Variants in RNF145 observed in about 807,000 individuals in gnomAD.
The protein encoded by RNF145 is ring finger protein 145.
Under a neutral mutation model 57.3 loss-of-function variants are expected in RNF145, and 12 were observed. That is an observed-to-expected ratio of 0.21 (90% CI 0.13 to 0.34). The LOEUF (loss-of-function observed/expected upper bound fraction) is 0.34, where lower values mean the gene tolerates loss of function less well. RNF145 is among the 10% of genes least tolerant of loss of function. The probability of loss-of-function intolerance (pLI) is 1.00; values close to 1 mark genes in which losing one functional copy is unlikely to be tolerated. For synonymous variants in RNF145, 262 were observed against 288.3 expected (o/e 0.91, Z 0.92); for missense variants, 429 against 799.0 (o/e 0.54, Z 5.58).
At chr5:159,199,881 G>C (rs1305026239) in intron 2 of RNF145, among the ~76,000 whole-genome samples, 2 of 152,026 alleles carry the variant, frequency 1.3e-5, no homozygotes, top group Admixed American at 1.3e-4. Flanking sequence ...ACCCACCCTG[G>C]AAAGCTTCTA....
chr5:159,161,323 G>C lies in RNF145; in HGVS notation c.1569C>G (p.Pro523=). 6.2e-7 allele frequency: 1 copy of C among 1,613,988 alleles called. No homozygotes were observed. The highest frequency in any genetic ancestry group is 2.2e-5 in the East Asian group (1 of 44,884). ...TCTCAAGCTGCTCTTTCGTAGCAAT[G>C]GGTAACGATTTAATCTTATTCACAG... is the stretch of plus-strand genomic sequence containing the variant. ...RDAVNKIKSL[P]IATKEQLEKH... The change falls in exon 10 of 11, where the codon CCC becomes CCG. Residue 523 remains proline (P), a synonymous_variant. Coordinates refer to ENST00000424310, the MANE Select transcript of RNF145 (RefSeq NM_001199383.2).
At chr5:159,179,959 C>G (rs976968016) in intron 4 of RNF145, among the ~76,000 whole-genome samples, 1 of 152,064 alleles carries the variant, frequency 6.6e-6, no homozygotes, top group Non-Finnish European at 1.5e-5. Flanking sequence ...CTAGGGAAAG[C>G]ATTAATTTTT....
At chr5:159,200,878 A>G (rs1785638242) in intron 2 of RNF145, among the ~76,000 whole-genome samples, 1 of 152,220 alleles carries the variant, frequency 6.6e-6, no homozygotes, top group South Asian at 2.1e-4. Context: ...ATTCATTCAT[A>G]ATAGAAATGC....
chr5:159,173,126 C>T (rs1436125784), intron 6 of RNF145, among the ~76,000 whole-genome samples: 10 of 152,142 alleles, frequency 6.6e-5, no homozygotes, highest in Admixed American at 6.5e-4. Context: ...AAAACCGAGT[C>T]TTAGAATTAT....
rs1785692914 is a variant in RNF145, at chr5:159,202,204, C to T, written c.184+1230G>A. 2.6e-5 allele frequency among the ~76,000 whole-genome samples: 4 copies of T among 152,258 alleles called. No individual in the cohort carries two copies. The South Asian group carries it at 8.3e-4, about 32-fold the overall frequency. ...CTGTTTTTATAATAAATATTTCAAC[C>T]TATTCAGAAACAATATATAAGCACA... On this transcript the variant is annotated intron_variant, in intron 2 of 10. Transcript: ENST00000424310.
intron 5 of RNF145, among the ~76,000 whole-genome samples, chr5:159,174,855 T>C (rs140231059): frequency 1.4e-3 from 207 of 152,290 alleles, no homozygotes; most frequent in African/African-American, 4.6e-3. Flanking sequence ...ACTCTTCTTA[T>C]GAAACTGATT....
intron 1 of RNF145, among the ~76,000 whole-genome samples, chr5:159,206,147 G>A (rs1489189884): frequency 6.6e-6 from 1 of 152,080 alleles, no homozygotes; most frequent in Non-Finnish European, 1.5e-5. Context: ...CCCGAAAGCT[G>A]TCAATAAAAA....
At position 159,205,426 on chromosome 5, in the gene RNF145, A is replaced by AT. The variant is rs529712911; in HGVS notation, c.-39-1771dup. Among the ~76,000 whole-genome samples the AT allele has an allele frequency of 1.4e-3, 216 of 152,288 alleles. 1 individual carries two copies. The highest frequency in any genetic ancestry group is 5.1e-3 in the African/African-American group (210 of 41,576). ...ATTTCTCAAAGCCCATGATATTATTATTTTTTCTAATCCCAGGAAAAAATA... is the reference window on the plus strand; with the variant it reads ...ATTTCTCAAAGCCCATGATATTATTATTTTTTTCTAATCCCAGGAAAAAATA... On this transcript the variant is annotated intron_variant, in intron 1 of 10. Coordinates refer to ENST00000424310, the MANE Select transcript of RNF145 (RefSeq NM_001199383.2).
At position 159,198,713 on chromosome 5, in the gene RNF145, G is replaced by A. The variant is rs185117621; in HGVS notation, c.185-3889C>T. ...AGGCTATTTAGGTGGAAATGTCTAAGAAGTAATTCAAAATGCATTCATTCA... is the reference window on the plus strand; with the variant it reads ...AGGCTATTTAGGTGGAAATGTCTAAAAAGTAATTCAAAATGCATTCATTCA... On this transcript the variant is annotated intron_variant, in intron 2 of 10. Transcript: ENST00000424310. 1.5e-3 allele frequency among the ~76,000 whole-genome samples: 227 copies of A among 152,306 alleles called. 2 individuals carry two copies. In the South Asian group the frequency reaches 0.016, roughly 11 times the overall value.
chr5:159,168,798 CTAAA>C (rs1323626725), intron 8 of RNF145, 71 bp downstream of exon 8: 4 of 954,374 alleles, frequency 4.2e-6, no homozygotes, highest in Non-Finnish European at 5.8e-6. Context: ...TAAATATTCC[CTAAA>C]TATTTAGACA....
At chr5:159,190,239 G>T (rs190830134) in intron 3 of RNF145, among the ~76,000 whole-genome samples, 1 of 152,234 alleles carries the variant, frequency 6.6e-6, no homozygotes, top group Admixed American at 6.5e-5. Flanking sequence ...TCACCATGTT[G>T]CCCAGGCTGG....
intron 2 of RNF145, among the ~76,000 whole-genome samples, chr5:159,196,140 C>A (rs530490031): frequency 6.6e-6 from 1 of 152,278 alleles, no homozygotes; most frequent in East Asian, 1.9e-4. Flanking sequence ...TCAAGCTTGT[C>A]CAACCCACGG....
At chr5:159,172,621 T>C (rs896695360) in intron 6 of RNF145, among the ~76,000 whole-genome samples, 4 of 152,228 alleles carry the variant, frequency 2.6e-5, no homozygotes, top group African/African-American at 4.8e-5. Flanking sequence ...AAGCTACTTA[T>C]AATTGTTATT....
intron 6 of RNF145, among the ~76,000 whole-genome samples, chr5:159,171,366 A>G (rs1183311241): frequency 1.3e-5 from 2 of 152,096 alleles, no homozygotes; most frequent in Non-Finnish European, 2.9e-5. Context: ...CTATTTCTCT[A>G]TTTTTACGGA....
chr5:159,200,996 C>A (rs964437445), intron 2 of RNF145, among the ~76,000 whole-genome samples: 2 of 152,200 alleles, frequency 1.3e-5, no homozygotes, highest in African/African-American at 4.8e-5. Flanking sequence ...TAGGAACTCT[C>A]AACCACGGTT....
chr5:159,185,139 C>T (rs143623621), intron 3 of RNF145, among the ~76,000 whole-genome samples: 2 of 152,266 alleles, frequency 1.3e-5, no homozygotes, highest in African/African-American at 2.4e-5. Flanking sequence ...CCCCTTTGCT[C>T]GATTCCTCTC....
chr5:159,161,610 G>A lies in RNF145; in HGVS notation c.1282C>T (p.Leu428Phe). The A allele has an allele frequency of 6.5e-7, 1 of 1,538,994 alleles. No individual in the cohort carries two copies. The highest frequency in any genetic ancestry group is 8.7e-7 in the Non-Finnish European group (1 of 1,147,840). The change falls in exon 10 of 11, where the codon CTT becomes TTT. Residue 428 changes from leucine (L) to phenylalanine (F), a missense_variant. By Grantham distance (22) the Leu-to-Phe change is conservative. Around this residue, in one of 4 missense-constraint regions of RNF145, gnomAD observed 216 missense variants for 457.6 expected, o/e 0.47. Transcript: ENST00000424310. Reference sequence around the variant, plus strand: ...ACCATAAATAAGACATAAATAAAAAGTGTTCCCAGAACCTGAAAAAAAAAA... The same window carrying A: ...ACCATAAATAAGACATAAATAAAAAATGTTCCCAGAACCTGAAAAAAAAAA... Reference protein sequence around the residue: ...ILTSLQVLGTLFIYVLFMVEE... With the variant: ...ILTSLQVLGTFFIYVLFMVEE...
At chr5:159,159,066 A>C (rs780690496) in intron 10 of RNF145, 31 bp from the exon 11 acceptor site, 2 of 1,573,758 alleles carry the variant, frequency 1.3e-6, no homozygotes, top group South Asian at 1.2e-5. Flanking sequence ...ATACCTTATA[A>C]ATGTCTGTTT....
intron 7 of RNF145, among the ~76,000 whole-genome samples, chr5:159,169,315 G>A (rs2113109922): frequency 6.6e-6 from 1 of 152,186 alleles, no homozygotes; most frequent in East Asian, 1.9e-4. Context: ...AAGACAAATA[G>A]AAGTTTTCCA....
Sources: allele counts gnomAD v4.1 joint callset (sites outside exome capture counted in the v4.1 genomes callset), GRCh38; gene constraint gnomAD v4.1.1; regional missense constraint gnomAD v4.1.1; transcripts MANE v1.5; gene names NCBI Gene and HGNC (gene_info 2026-07-23, HGNC 2026-07-21).